BACH2: variants seen among roughly 807,000 people sequenced by gnomAD.
BACH2 encodes transcription regulator protein BACH2.
Under a neutral mutation model 61.8 loss-of-function variants are expected in BACH2, and 5 were observed. That is an observed-to-expected ratio of 0.08 (90% CI 0.04 to 0.17). The LOEUF is 0.17. BACH2 is among the 10% of genes least tolerant of loss of function. The probability of loss-of-function intolerance (pLI) is 1.00; values close to 1 mark genes in which losing one functional copy is unlikely to be tolerated. For missense variants in BACH2, 824 were observed against 1,091.1 expected (o/e 0.76, Z 3.45); for synonymous variants, 446 against 440.1 (o/e 1.01, Z -0.17).
At chr6:89,939,656 CTTTTT>C (rs71298713) in intron 7 of BACH2, among the ~76,000 whole-genome samples, 11,100 of 82,140 alleles carry the variant, frequency 0.14, 360 homozygotes, top group East Asian at 0.18. Context: ...GCTTATATTT[CTTTTT>C]TTTTTTTTTT....
intron 5 of BACH2, among the ~76,000 whole-genome samples, chr6:90,075,228 G>A (rs1269156812): frequency 6.6e-6 from 1 of 152,118 alleles, no homozygotes; most frequent in Non-Finnish European, 1.5e-5. Flanking sequence ...GTTTATGTAG[G>A]GAGAGACCCT....
chr6:90,029,615 C>T (rs574513450), intron 5 of BACH2, among the ~76,000 whole-genome samples: 17 of 152,292 alleles, frequency 1.1e-4, no homozygotes, highest in African/African-American at 4.1e-4. Context: ...TTTTGCTCAC[C>T]ATTGAAGCCG....
chr6:90,084,394 G>T (rs560836805), intron 5 of BACH2, among the ~76,000 whole-genome samples: 88 of 151,928 alleles, frequency 5.8e-4, no homozygotes, highest in Admixed American at 1.0e-3. Context: ...ACTCATGGGG[G>T]GGGAATTTAT....
chr6:89,940,019 TTTTTC>T (rs1268042982), intron 7 of BACH2, among the ~76,000 whole-genome samples: 1 of 151,334 alleles, frequency 6.6e-6, no homozygotes, highest in Non-Finnish European at 1.5e-5. Context: ...TTTCTTTTCT[TTTTTC>T]TTTTGAGATG....
chr6:90,157,775 T>C (rs1379953405), intron 4 of BACH2, among the ~76,000 whole-genome samples: 3 of 152,118 alleles, frequency 2.0e-5, no homozygotes, highest in African/African-American at 7.2e-5. Context: ...TAATGGCCAT[T>C]GAGTGAGCCC....
intron 1 of BACH2, among the ~76,000 whole-genome samples, chr6:90,287,173 G>A (rs1772044988): frequency 6.6e-6 from 1 of 152,090 alleles, no homozygotes; most frequent in Non-Finnish European, 1.5e-5. Flanking sequence ...TCTACAGCCA[G>A]GTATTTACCT....
chr6:90,182,852 A>G (rs559076606), intron 4 of BACH2, among the ~76,000 whole-genome samples: 1 of 152,302 alleles, frequency 6.6e-6, no homozygotes, highest in Admixed American at 6.5e-5. Flanking sequence ...CAAGCTATGA[A>G]AAGTTCTTTT....
intron 3 of BACH2, among the ~76,000 whole-genome samples, chr6:90,231,238 T>C (rs1425346166): frequency 6.6e-6 from 1 of 152,208 alleles, no homozygotes; most frequent in Non-Finnish European, 1.5e-5. Flanking sequence ...TGTTTAGAGA[T>C]AGGCATATAT....
At chr6:90,141,141 G>T (rs74551066) in intron 4 of BACH2, among the ~76,000 whole-genome samples, 6,388 of 152,150 alleles carry the variant, frequency 0.042, 139 homozygotes, top group Middle Eastern at 0.082. Flanking sequence ...TACAAAGTAG[G>T]TTATAAAATA....
chr6:90,127,540 A>G (rs749974249), intron 4 of BACH2, among the ~76,000 whole-genome samples: 44 of 152,212 alleles, frequency 2.9e-4, no homozygotes, highest in Non-Finnish European at 4.4e-4. Flanking sequence ...CTTCCTTTAA[A>G]AAACAATAAC....
chr6:90,184,639 A>T (rs1239017220), intron 4 of BACH2, among the ~76,000 whole-genome samples: 1 of 152,084 alleles, frequency 6.6e-6, no homozygotes, highest in African/African-American at 2.4e-5. Flanking sequence ...TGATGAGGCA[A>T]CTCTTCCTAA....
chr6:90,077,259 G>A (rs901462671), intron 5 of BACH2, among the ~76,000 whole-genome samples: 5 of 152,040 alleles, frequency 3.3e-5, no homozygotes, highest in East Asian at 1.9e-4. Context: ...CAGAAACTTC[G>A]GTCTATGGCA....
chr6:89,953,630 C>A (rs1774253071), intron 6 of BACH2, among the ~76,000 whole-genome samples: 1 of 152,282 alleles, frequency 6.6e-6, no homozygotes, highest in Non-Finnish European at 1.5e-5. Context: ...GTCTTTGTAA[C>A]CTTGCATCTA....
intron 2 of BACH2, among the ~76,000 whole-genome samples, chr6:90,266,169 T>A (rs958095035): frequency 6.6e-6 from 1 of 152,170 alleles, no homozygotes; most frequent in African/African-American, 2.4e-5. Context: ...ACTGCACCCA[T>A]GGAGGCTAGA....
intron 2 of BACH2, among the ~76,000 whole-genome samples, chr6:90,265,336 T>C (rs78268704): frequency 0.023 from 3,531 of 152,282 alleles, 147 homozygotes; most frequent in African/African-American, 0.08. Context: ...AATAGGATAC[T>C]AAACCACTTT....
intron 2 of BACH2, among the ~76,000 whole-genome samples, chr6:90,266,335 G>A (rs972188606): frequency 2.6e-5 from 4 of 152,168 alleles, no homozygotes; most frequent in Admixed American, 1.3e-4. Context: ...TAAAGAGCCT[G>A]TAGATGACCA....
chr6:90,265,732 A>G (rs749077446), intron 2 of BACH2, among the ~76,000 whole-genome samples: 1 of 152,216 alleles, frequency 6.6e-6, no homozygotes, highest in Non-Finnish European at 1.5e-5. Context: ...CTTACGTTGC[A>G]GGCATGGTGC....
In BACH2 at chr6:90,013,607, C is replaced by A. The variant is rs546094283; in HGVS notation, c.-12-4751G>T. Reference sequence around the variant, plus strand: ...CTGCAAGCTCTGCCTCCTGGGTTCACGCCATTCTCCTGCCTCAGCCTCCCA... The same window carrying A: ...CTGCAAGCTCTGCCTCCTGGGTTCAAGCCATTCTCCTGCCTCAGCCTCCCA... On this transcript the variant is annotated intron_variant, in intron 5 of 8. Transcript: ENST00000257749. Among the ~76,000 whole-genome samples, 4 of 151,152 alleles carry A rather than the reference C, an allele frequency of 2.6e-5. No individual in the cohort carries two copies. In the South Asian group the frequency reaches 8.4e-4, roughly 32 times the overall value.
At chr6:89,974,833 G>C (rs909810921) in intron 6 of BACH2, among the ~76,000 whole-genome samples, 2 of 152,152 alleles carry the variant, frequency 1.3e-5, no homozygotes, top group Non-Finnish European at 2.9e-5. Flanking sequence ...AATTTTCTTG[G>C]ATCAAAGATC....
Sources: gnomAD v4.1 joint callset for allele counts (sites outside exome capture counted in the v4.1 genomes callset) on GRCh38, gnomAD v4.1.1 for gene constraint, MANE v1.5 for transcripts, NCBI Gene and HGNC (gene_info 2026-07-23, HGNC 2026-07-21) for gene names.